Variants in NXF3 observed in about 807,000 individuals in gnomAD.
The protein encoded by NXF3 is TAP-like protein 3.
In NXF3, 34 loss-of-function variants were observed where a neutral mutation model predicts 48.4. The observed-to-expected ratio is 0.70, with a 90% confidence interval of 0.53 to 0.93. The LOEUF is 0.93. Among genes scored for constraint, NXF3 ranks in the 40% least tolerant of loss-of-function variants. The pLI is 0.00. For synonymous variants in NXF3, 132 were observed against 145.7 expected, an observed-to-expected ratio of 0.91 and a Z score of 0.68; for missense variants, 359 against 406.1, an observed-to-expected ratio of 0.88 and a Z score of 1.00.
chrX:103,076,556 A>T (rs1420885619), intron 18 of NXF3, among the ~76,000 whole-genome samples: 1 of 111,627 alleles, frequency 9.0e-6, no homozygotes, highest in Non-Finnish European at 1.9e-5. Flanking sequence ...GAACTGGGTC[A>T]TGCAAACCTG....
In NXF3 at chrX:103,079,856, T is replaced by C; in HGVS notation, c.1067A>G (p.Tyr356Cys). Residue 356 changes from tyrosine to cysteine, a missense_variant, in exon 13 of 20, where the codon TAT becomes TGT. Tyr to Cys is a radical substitution (Grantham distance 194). Coordinates refer to ENST00000395065, the MANE Select transcript of NXF3 (RefSeq NM_022052.2). ...GAGACCCTGTCGATCTCCAGAGTCA[T>C]AGATCAAGTAATACCTGTTGGAGAC... ...LQFLQQYYLIYDSGDRQGLLS... is the reference protein window; with the variant it reads ...LQFLQQYYLICDSGDRQGLLS... 2.5e-6 allele frequency: 3 copies of C among 1,207,663 alleles called. No homozygotes were observed. The highest frequency in any genetic ancestry group is 3.4e-6 in the Non-Finnish European group (3 of 892,060).
chrX:103,076,231 T>C lies in NXF3; in HGVS notation c.*49+10A>G. The C allele has an allele frequency of 8.4e-7, 1 of 1,184,680 alleles. No homozygotes were observed. The highest frequency in any genetic ancestry group is 1.1e-6 in the Non-Finnish European group (1 of 872,696). On this transcript the variant is annotated intron_variant, in intron 19 of 19. Transcript: ENST00000395065. ...CCTCTGCTCACTTGGCCTGAATTCC[T>C]AGACCTCACCTTGGGCCATGCAAGA...
rs1922059571 is a variant in NXF3, at chrX:103,083,229, G to A, written c.585C>T (p.His195=). Residue 195 remains histidine (H), a synonymous_variant, in exon 6 of 20, where the codon CAC becomes CAT. Transcript: ENST00000395065. ...VNPAGIPHFV[H]RELKSEKVEQ... Reference sequence around the variant, plus strand: ...CCACCTTTTCTGACTTCAGCTCCCTGTGCACAAAGTGGGGTATGCCAGCAG... The same window carrying A: ...CCACCTTTTCTGACTTCAGCTCCCTATGCACAAAGTGGGGTATGCCAGCAG... 1 of 1,211,133 alleles carries A rather than the reference G, an allele frequency of 8.3e-7. No individual in the cohort carries two copies.
At chrX:103,079,070 G>T in intron 16 of NXF3, 151 bp downstream of exon 16, 1 of 621,420 alleles carries the variant, frequency 1.6e-6, no homozygotes, top group Non-Finnish European at 2.7e-6. Context: ...GATCAGGGTG[G>T]TTTGTGGGCA....
chrX:103,082,709 C>A (rs1922045976), intron 8 of NXF3, 51 bp downstream of exon 8: 2 of 1,020,040 alleles, frequency 2.0e-6, no homozygotes, highest in South Asian at 3.8e-5. Flanking sequence ...AGCCTCCTAG[C>A]TAATCTCTTC....
intron 1 of NXF3, among the ~76,000 whole-genome samples, chrX:103,085,804 G>A (rs1486775241): frequency 9.4e-6 from 1 of 106,323 alleles, no homozygotes; most frequent in Admixed American, 1.0e-4. Flanking sequence ...TCGGGAGGCT[G>A]AGGCAGGAGA....
chrX:103,091,854 G>A (rs1260307939), intron 1 of NXF3, among the ~76,000 whole-genome samples: 15 of 108,315 alleles, frequency 1.4e-4, no homozygotes, highest in African/African-American at 4.4e-4. Context: ...GCATGGTGGC[G>A]GATGCCTGTA....
intron 1 of NXF3, chrX:103,088,317 G>A (rs749412674): frequency 3.2e-5 from 17 of 539,451 alleles, no homozygotes; most frequent in Admixed American, 5.6e-5. Flanking sequence ...CTGGTGAGCC[G>A]TGCTCTGAAC....
At chrX:103,080,433 G>A (rs1921980465) in intron 10 of NXF3, 143 bp downstream of exon 10, 1 of 663,506 alleles carries the variant, frequency 1.5e-6, no homozygotes, top group Admixed American at 2.6e-5. Context: ...TCCCACATGG[G>A]TCCGTATTCC....
intron 18 of NXF3, among the ~76,000 whole-genome samples, chrX:103,076,741 A>ACCCCCCCCCCC (rs1481732955): frequency 2.1e-5 from 2 of 95,747 alleles, no homozygotes; most frequent in Non-Finnish European, 2.1e-5. Context: ...AGGTACAGTC[A>ACCCCCCCCCCC]CCCCCCCATC....
intron 1 of NXF3, among the ~76,000 whole-genome samples, chrX:103,089,661 A>G (rs1922230945): frequency 8.9e-6 from 1 of 111,800 alleles, no homozygotes. Flanking sequence ...AGAGGCAAAA[A>G]TTGGTTTTTA....
At chrX:103,082,900 T>TA in intron 7 of NXF3, 52 bp from the exon 8 acceptor site, 1 of 1,148,762 alleles carries the variant, frequency 8.7e-7, no homozygotes, top group Non-Finnish European at 1.2e-6. Flanking sequence ...ACCCGCCTGG[T>TA]ACAGCATCAG....
rs781354345 is a variant in NXF3, at chrX:103,079,602, T to G, written c.1201A>C (p.Lys401Gln). 5.0e-6 allele frequency: 6 copies of G among 1,209,606 alleles called. No individual in the cohort carries two copies. The Admixed American group carries it at 1.3e-4, about 26-fold the overall frequency. The change falls in exon 14 of 20, where the codon AAA becomes CAA. Residue 401 changes from lysine (K) to glutamine (Q), a missense_variant. Lys to Gln is a moderately conservative substitution (Grantham distance 53). Coordinates refer to ENST00000395065, the MANE Select transcript of NXF3 (RefSeq NM_022052.2). ...CACTTACAGGGGTCCTTGAGAATTT[T>G]TATATTCCTGCTATCCTTGAAGAAC... ...CKFFKDSRNI[K>Q]ILKDPYLRGE...
At position 103,083,682 on chromosome X, in the gene NXF3, C is replaced by T. The variant is rs1480550067; in HGVS notation, c.362G>A (p.Gly121Asp). ...CAGCCACTTCTCATTGTATTTTATG[C>T]CAAAGGGAACCTATGAGTGAAAGAA... is the stretch of plus-strand genomic sequence containing the variant. The part of the protein sequence containing the change: ...GSWFKITVPF[G>D]IKYNEKWLLN... Residue 121 changes from glycine to aspartate, a missense_variant, in exon 4 of 20, where the codon GGC becomes GAC. Physicochemically the swap from Gly to Asp is moderately conservative, Grantham distance 94. Coordinates refer to ENST00000395065, the MANE Select transcript of NXF3 (RefSeq NM_022052.2). The T allele has an allele frequency of 8.4e-7, 1 of 1,195,372 alleles. No homozygotes were observed.
intron 1 of NXF3, among the ~76,000 whole-genome samples, chrX:103,092,363 T>C (rs1305463546): frequency 2.6e-5 from 1 of 37,834 alleles, no homozygotes; most frequent in Non-Finnish European, 4.2e-5. Flanking sequence ...TTTCAAGTTA[T>C]ACAAAAAAAA....
At chrX:103,086,954 C>T (rs1339233229) in intron 1 of NXF3, among the ~76,000 whole-genome samples, 3 of 112,353 alleles carry the variant, frequency 2.7e-5, no homozygotes, top group Admixed American at 9.4e-5. Flanking sequence ...TGGGCCCTCG[C>T]CAGCTCCAGG....
intron 9 of NXF3, chrX:103,081,846 C>T (rs1450288835): frequency 4.0e-4 from 53 of 132,301 alleles, no homozygotes; most frequent in East Asian, 2.1e-3. Context: ...CCTCTCGGGA[C>T]GGAGGAGGGA....
In NXF3 at chrX:103,079,840, T is replaced by A; in HGVS notation, c.1083A>T (p.Arg361=). 1 of 1,210,265 alleles carries A rather than the reference T, an allele frequency of 8.3e-7. No homozygotes were observed. The highest frequency in any genetic ancestry group is 1.1e-6 in the Non-Finnish European group (1 of 894,439). Residue 361 remains arginine, a synonymous_variant, in exon 13 of 20, where the codon CGA becomes CGT. Coordinates refer to ENST00000395065, the MANE Select transcript of NXF3 (RefSeq NM_022052.2). ...QYYLIYDSGD[R]QGLLSAYHDE... ...CGTGGTAAGCACTAAGGAGACCCTG[T>A]CGATCTCCAGAGTCATAGATCAAGT...
chrX:103,080,429 A>T (rs1310532399), intron 10 of NXF3, 147 bp downstream of exon 10: 15 of 648,650 alleles, frequency 2.3e-5, no homozygotes, highest in Middle Eastern at 3.3e-4. Flanking sequence ...AAGTTCCCAC[A>T]TGGGTCCGTA....
Sources: gnomAD v4.1 joint callset for allele counts (sites outside exome capture counted in the v4.1 genomes callset) on GRCh38, gnomAD v4.1.1 for gene constraint, MANE v1.5 for transcripts, NCBI Gene and HGNC (gene_info 2026-07-23, HGNC 2026-07-21) for gene names.